The following CCBE1 variants were observed in gnomAD, a reference collection of about 807,000 sequenced individuals.
CCBE1 encodes the protein collagen and calcium-binding EGF domain-containing protein 1.
A neutral mutation model predicts 50.0 loss-of-function variants in CCBE1; 37 were observed. That is an observed-to-expected ratio of 0.74 (90% CI 0.57 to 0.97). The LOEUF is 0.97. CCBE1 is among the 50% of genes least tolerant of loss of function. The pLI is 0.00. For missense variants in CCBE1, 538 were observed against 523.8 expected (o/e 1.03, Z -0.26); for synonymous variants, 234 against 203.7 (o/e 1.15, Z -1.27).
chr18:59,570,874 G>C (rs189274484), intron 2 of CCBE1, among the ~76,000 whole-genome samples: 1 of 152,170 alleles, frequency 6.6e-6, no homozygotes, highest in African/African-American at 2.4e-5. Flanking sequence ...GATGAAAATC[G>C]AGACATCAGA....
intron 2 of CCBE1, among the ~76,000 whole-genome samples, chr18:59,536,895 G>A (rs1371372771): frequency 6.6e-6 from 1 of 151,490 alleles, no homozygotes; most frequent in Non-Finnish European, 1.5e-5. Context: ...GGGAGGCTGA[G>A]GCAGGAGAAT....
chr18:59,505,441 C>T (rs1452540152), intron 2 of CCBE1, among the ~76,000 whole-genome samples: 2 of 152,220 alleles, frequency 1.3e-5, no homozygotes, highest in Non-Finnish European at 2.9e-5. Flanking sequence ...ACCACTTAAA[C>T]ATTCCATTCT....
intron 7 of CCBE1, among the ~76,000 whole-genome samples, chr18:59,441,483 C>CAAA (rs34080571): frequency 7.7e-6 from 1 of 130,076 alleles, no homozygotes; most frequent in Non-Finnish European, 1.6e-5. Context: ...GACTCCATCT[C>CAAA]AAAAAAAAAA....
chr18:59,513,648 C>T (rs1012731934), intron 2 of CCBE1, among the ~76,000 whole-genome samples: 5 of 152,170 alleles, frequency 3.3e-5, no homozygotes, highest in Admixed American at 6.5e-5. Flanking sequence ...CCATGAATCT[C>T]GAGGTGACAG....
At chr18:59,455,569 G>A (rs963828615) in intron 5 of CCBE1, among the ~76,000 whole-genome samples, 1 of 152,236 alleles carries the variant, frequency 6.6e-6, no homozygotes, top group African/African-American at 2.4e-5. Flanking sequence ...AGAACACTAG[G>A]TGCTCCATGG....
chr18:59,661,920 T>C (rs574747655), intron 2 of CCBE1, among the ~76,000 whole-genome samples: 1 of 149,740 alleles, frequency 6.7e-6, no homozygotes, highest in South Asian at 2.1e-4. Context: ...TGAGCTGAGA[T>C]GGCACCACTG....
intron 2 of CCBE1, among the ~76,000 whole-genome samples, chr18:59,537,948 C>T (rs910007129): frequency 8.5e-5 from 13 of 152,208 alleles, no homozygotes; most frequent in Middle Eastern, 3.4e-3. Flanking sequence ...GGGGACTAAA[C>T]GAGTTACTTT....
chr18:59,603,114 T>A (rs972525110), intron 2 of CCBE1, among the ~76,000 whole-genome samples: 2 of 152,208 alleles, frequency 1.3e-5, no homozygotes, highest in African/African-American at 4.8e-5. Flanking sequence ...TTTCTTAAAC[T>A]GTCCCTGAAA....
At chr18:59,624,408 T>C (rs778026465) in intron 2 of CCBE1, among the ~76,000 whole-genome samples, 7 of 152,244 alleles carry the variant, frequency 4.6e-5, no homozygotes, top group South Asian at 4.1e-4. Context: ...TCAGTACTGA[T>C]ACATGCAATA....
intron 2 of CCBE1, among the ~76,000 whole-genome samples, chr18:59,507,349 T>A (rs1007205814): frequency 1.3e-5 from 2 of 152,332 alleles, no homozygotes; most frequent in Admixed American, 6.5e-5. Context: ...ATCCCATCCA[T>A]GCCCAGAATA....
chr18:59,574,798 C>T (rs544788747), intron 2 of CCBE1, among the ~76,000 whole-genome samples: 1 of 152,176 alleles, frequency 6.6e-6, no homozygotes, highest in Admixed American at 6.5e-5. Flanking sequence ...GACTCTTCCT[C>T]CTGTTAAAAA....
At chr18:59,500,647 C>T (rs576354416) in intron 2 of CCBE1, among the ~76,000 whole-genome samples, 3 of 152,152 alleles carry the variant, frequency 2.0e-5, no homozygotes, top group Non-Finnish European at 4.4e-5. Flanking sequence ...CAGGGAGGGG[C>T]CTGTCCCTGG....
Position 59,454,813 on chromosome 18 carries a change from C to A in CCBE1, c.654+38G>T. 2.6e-6 allele frequency: 4 copies of A among 1,543,916 alleles called. No individual in the cohort carries two copies. The South Asian group carries it at 4.5e-5, about 17-fold the overall frequency. Reference sequence around the variant, plus strand: ...ACCTGGCCTTGGCCAAGCCCTCCTTCCATCAGGCATCATCGTTCCCACCCC... The same window carrying A: ...ACCTGGCCTTGGCCAAGCCCTCCTTACATCAGGCATCATCGTTCCCACCCC... On this transcript the variant is annotated intron_variant, in intron 6 of 10. Coordinates refer to ENST00000439986, the MANE Select transcript of CCBE1 (RefSeq NM_133459.4).
intron 2 of CCBE1, among the ~76,000 whole-genome samples, chr18:59,528,379 G>C (rs558573790): frequency 3.3e-5 from 5 of 150,680 alleles, no homozygotes; most frequent in East Asian, 1.9e-4. Flanking sequence ...GTTTTATCAG[G>C]GTTCTTAGCT....
At chr18:59,695,273 CG>C (rs1286402872) in intron 2 of CCBE1, among the ~76,000 whole-genome samples, 1 of 152,188 alleles carries the variant, frequency 6.6e-6, no homozygotes, top group Admixed American at 6.5e-5. Flanking sequence ...ATGAAAGACA[CG>C]GCTGGAACCA....
chr18:59,547,910 G>A (rs1284627549), intron 2 of CCBE1, among the ~76,000 whole-genome samples: 3 of 152,308 alleles, frequency 2.0e-5, no homozygotes, highest in African/African-American at 4.8e-5. Context: ...CAACCTGACC[G>A]AAATAAGAAC....
At chr18:59,488,533 A>G (rs1912933889) in intron 2 of CCBE1, among the ~76,000 whole-genome samples, 1 of 152,168 alleles carries the variant, frequency 6.6e-6, no homozygotes, top group South Asian at 2.1e-4. Flanking sequence ...ACCAGAAGGT[A>G]CTCATTCCAA....
chr18:59,507,617 GCTGT>G (rs1180274943), intron 2 of CCBE1, among the ~76,000 whole-genome samples: 1 of 152,142 alleles, frequency 6.6e-6, no homozygotes, highest in Non-Finnish European at 1.5e-5. Flanking sequence ...TGTTTCCTTT[GCTGT>G]CCCCATCCTC....
chr18:59,551,729 G>C (rs1410974672), intron 2 of CCBE1, among the ~76,000 whole-genome samples: 1 of 152,156 alleles, frequency 6.6e-6, no homozygotes, highest in Non-Finnish European at 1.5e-5. Flanking sequence ...CTTTGTTGAA[G>C]TGGAATACTT....
Sources: gnomAD v4.1 joint callset for allele counts (sites outside exome capture counted in the v4.1 genomes callset) on GRCh38, gnomAD v4.1.1 for gene constraint, MANE v1.5 for transcripts, NCBI Gene and HGNC (gene_info 2026-07-23, HGNC 2026-07-21) for gene names.